TMEM117: variants seen among roughly 807,000 people sequenced by gnomAD.
TMEM117 encodes transmembrane protein 117.
TMEM117 carries 27 observed loss-of-function variants against 52.4 expected under a neutral mutation model. The ratio of observed to expected loss-of-function variants is 0.51; its 90% CI spans 0.38 to 0.71. The LOEUF is 0.71. Ranked by LOEUF, TMEM117 falls within the 30% of genes least tolerant of loss-of-function variation. The probability of loss-of-function intolerance (pLI) is 0.00; values close to 1 mark genes in which losing one functional copy is unlikely to be tolerated. For synonymous variants in TMEM117, 215 were observed against 206.3 expected, an observed-to-expected ratio of 1.04 and a Z score of -0.36; for missense variants, 556 against 630.5, an observed-to-expected ratio of 0.88 and a Z score of 1.26.
intron 3 of TMEM117, among the ~76,000 whole-genome samples, chr12:43,963,087 A>G (rs921501090): frequency 2.6e-5 from 4 of 151,728 alleles, no homozygotes; most frequent in African/African-American, 9.7e-5. Flanking sequence ...TTGCTTCAGT[A>G]TTGCCTCAGA....
At chr12:43,848,726 G>A (rs1397512150) in intron 2 of TMEM117, among the ~76,000 whole-genome samples, 1 of 152,150 alleles carries the variant, frequency 6.6e-6, no homozygotes, top group Non-Finnish European at 1.5e-5. Context: ...AGCTTACGAA[G>A]ATAACAGGAT....
chr12:43,962,626 A>T (rs1402265439), intron 3 of TMEM117, among the ~76,000 whole-genome samples: 2 of 152,184 alleles, frequency 1.3e-5, no homozygotes, highest in African/African-American at 4.8e-5. Context: ...TACATATTTT[A>T]AAAGATTAGG....
chr12:43,947,496 G>A (rs552451657), intron 3 of TMEM117, among the ~76,000 whole-genome samples: 6 of 152,282 alleles, frequency 3.9e-5, no homozygotes, highest in African/African-American at 1.4e-4. Flanking sequence ...TGCTATTGGG[G>A]TTGTCCTAGA....
At chr12:43,918,356 T>C (rs1276421411) in intron 2 of TMEM117, among the ~76,000 whole-genome samples, 1 of 152,206 alleles carries the variant, frequency 6.6e-6, no homozygotes, top group East Asian at 1.9e-4. Context: ...GAACATCTCT[T>C]GCAGGGGTTT....
chr12:43,869,761 A>G (rs1371449218), intron 2 of TMEM117, among the ~76,000 whole-genome samples: 2 of 152,018 alleles, frequency 1.3e-5, no homozygotes, highest in African/African-American at 4.8e-5. Flanking sequence ...GTTATTTCCA[A>G]CTTTTTATTT....
chr12:44,133,208 T>G (rs1243327554), intron 3 of TMEM117, among the ~76,000 whole-genome samples: 1 of 152,154 alleles, frequency 6.6e-6, no homozygotes, highest in Non-Finnish European at 1.5e-5. Flanking sequence ...CAGACATGAG[T>G]ACCTTGGTCT....
intron 4 of TMEM117, among the ~76,000 whole-genome samples, chr12:44,186,625 T>C (rs923309044): frequency 2.6e-5 from 4 of 152,138 alleles, no homozygotes; most frequent in African/African-American, 9.7e-5. Flanking sequence ...CTAGCAATAG[T>C]CATAACTCTG....
At chr12:44,255,538 A>C (rs1378858534) in intron 5 of TMEM117, among the ~76,000 whole-genome samples, 2 of 152,178 alleles carry the variant, frequency 1.3e-5, no homozygotes, top group Admixed American at 1.3e-4. Context: ...ATATCATGGA[A>C]TATTACACAG....
rs111908620 is a variant in TMEM117, at chr12:44,170,848, A to T, written c.510+27224A>T. On this transcript the variant is annotated intron_variant, in intron 4 of 7. Coordinates refer to ENST00000266534, the MANE Select transcript of TMEM117 (RefSeq NM_032256.3). ...CTTCAACAAGTTTCCCTTAATATTA[A>T]TGCTTTACATAATCACAATTCAATT... 8.9e-3 allele frequency among the ~76,000 whole-genome samples: 1,354 copies of T among 152,282 alleles called. 25 individuals are homozygous for T. Among genetic ancestry groups the T allele is most frequent in the African/African-American group, 0.03 (1,260 of 41,542 alleles).
At chr12:43,875,267 T>C (rs1216199981) in intron 2 of TMEM117, among the ~76,000 whole-genome samples, 1 of 150,688 alleles carries the variant, frequency 6.6e-6, no homozygotes, top group Non-Finnish European at 1.5e-5. Flanking sequence ...AGAGTCAGAA[T>C]CGGGTAGGGC....
At chr12:43,994,932 T>C (rs1194858858) in intron 3 of TMEM117, among the ~76,000 whole-genome samples, 1 of 152,158 alleles carries the variant, frequency 6.6e-6, no homozygotes, top group East Asian at 1.9e-4. Flanking sequence ...AGCAATCTTA[T>C]ATGTTAGAAG....
At chr12:43,828,536 T>C in the TMEM117 span, among the ~76,000 whole-genome samples, 1 of 152,228 alleles carries the variant, frequency 6.6e-6, no homozygotes, top group Non-Finnish European at 1.5e-5. Context: ...AGAGGATGGC[T>C]CTTACTGTTT....
intron 5 of TMEM117, among the ~76,000 whole-genome samples, chr12:44,260,285 A>T (rs536822577): frequency 2.0e-5 from 3 of 152,124 alleles, no homozygotes; most frequent in Non-Finnish European, 2.9e-5. Flanking sequence ...TGTCTTACAG[A>T]CTCACTTGTG....
intron 3 of TMEM117, among the ~76,000 whole-genome samples, chr12:44,014,600 A>G (rs750485381): frequency 6.6e-6 from 1 of 152,190 alleles, no homozygotes; most frequent in Non-Finnish European, 1.5e-5. Context: ...AAGTAGATCT[A>G]TGCATAATCA....
rs1361164733 is a variant in TMEM117 at position 44,354,200 on chromosome 12, C to T, written c.769-22395C>T. On this transcript the variant is annotated intron_variant, in intron 6 of 7. Transcript: ENST00000266534. The stretch of plus-strand genomic sequence containing the variant: ...AGCTGAAGGAGATTTTGGGCTGAGA[C>T]GATGGGTTTTCTAGATATACAATCA... Among the ~76,000 whole-genome samples, 7 of 152,020 alleles carry T rather than the reference C, an allele frequency of 4.6e-5. 1 individual carries two copies. The highest frequency in any genetic ancestry group is 3.9e-4 in the Admixed American group (6 of 15,242).
At chr12:43,988,949 C>T (rs1592418951) in intron 3 of TMEM117, among the ~76,000 whole-genome samples, 1 of 152,066 alleles carries the variant, frequency 6.6e-6, no homozygotes, top group African/African-American at 2.4e-5. Context: ...GCTGTCACCT[C>T]AGAACACAAC....
intron 4 of TMEM117, among the ~76,000 whole-genome samples, chr12:44,173,322 C>A (rs1949074677): frequency 6.6e-6 from 1 of 152,218 alleles, no homozygotes; most frequent in Admixed American, 6.5e-5. Context: ...GGCAATCCAT[C>A]CACCTCGTCC....
chr12:44,364,797 G>A (rs1420550211), intron 6 of TMEM117, among the ~76,000 whole-genome samples: 1 of 152,034 alleles, frequency 6.6e-6, no homozygotes, highest in Non-Finnish European at 1.5e-5. Flanking sequence ...AGTCATATAC[G>A]TAACATAAAA....
At chr12:44,384,568 TA>T (rs1175996122) in intron 7 of TMEM117, among the ~76,000 whole-genome samples, 1 of 152,154 alleles carries the variant, frequency 6.6e-6, no homozygotes, top group Non-Finnish European at 1.5e-5. Context: ...TAAGGATTTT[TA>T]ACATGTTAAA....
Sources: gnomAD v4.1 joint callset for allele counts (sites outside exome capture counted in the v4.1 genomes callset) on GRCh38, gnomAD v4.1.1 for gene constraint, MANE v1.5 for transcripts, NCBI Gene and HGNC (gene_info 2026-07-23, HGNC 2026-07-21) for gene names.